Variants in RBBP8 observed in about 807,000 individuals in gnomAD.
RBBP8 encodes DNA endonuclease RBBP8.
A neutral mutation model predicts 108.3 loss-of-function variants in RBBP8; 88 were observed. That is an observed-to-expected ratio of 0.81 (90% CI 0.68 to 0.97). The LOEUF is 0.97. Among genes scored for constraint, RBBP8 ranks in the 50% least tolerant of loss-of-function variants. The pLI is 0.00. For missense variants in RBBP8, 1,023 were observed against 1,049.0 expected, an observed-to-expected ratio of 0.98 and a Z score of 0.34; for synonymous variants, 332 against 348.2, an observed-to-expected ratio of 0.95 and a Z score of 0.52.
chr18:22,997,554 AAAATT>A, intron 13 of RBBP8, 61 bp from the exon 14 acceptor site: 1 of 1,017,086 alleles, frequency 9.8e-7, no homozygotes. Flanking sequence ...ATGTTTTGTA[AAAATT>A]AAATATAAGA....
intron 3 of RBBP8, among the ~76,000 whole-genome samples, chr18:22,925,747 T>C (rs1262598132): frequency 6.6e-6 from 1 of 152,220 alleles, no homozygotes; most frequent in African/African-American, 2.4e-5. Flanking sequence ...GTTCCGACGG[T>C]TAGCCCTTCA....
At chr18:22,985,012 C>A (rs767492068) in intron 8 of RBBP8, 22 bp downstream of exon 8, 1 of 1,608,874 alleles carries the variant, frequency 6.2e-7, no homozygotes. Context: ...ACTGAGATTA[C>A]TTTACAAGTT....
At chr18:22,964,755 A>G (rs1913428157) in intron 4 of RBBP8, among the ~76,000 whole-genome samples, 2 of 152,000 alleles carry the variant, frequency 1.3e-5, no homozygotes, top group African/African-American at 2.4e-5. Flanking sequence ...TCAGCCCCCA[A>G]AAATGCTGGG....
intron 16 of RBBP8, among the ~76,000 whole-genome samples, chr18:23,016,003 G>T (rs1263840423): frequency 6.6e-6 from 1 of 151,976 alleles, no homozygotes; most frequent in African/African-American, 2.4e-5. Context: ...TTTGCCTCCC[G>T]GGTTCAAGCG....
chr18:22,974,905 T>C (rs1914389018), intron 5 of RBBP8, among the ~76,000 whole-genome samples: 1 of 152,170 alleles, frequency 6.6e-6, no homozygotes, highest in African/African-American at 2.4e-5. Context: ...GTACCCTCTT[T>C]TGCCTGCAAG....
chr18:22,937,622 G>A (rs1218421522), intron 2 of RBBP8, among the ~76,000 whole-genome samples: 2 of 150,184 alleles, frequency 1.3e-5, no homozygotes, highest in Admixed American at 6.7e-5. Context: ...GGGACCATAG[G>A]CACACGCTGC....
chr18:22,996,169 A>G (rs1224311212), intron 12 of RBBP8, among the ~76,000 whole-genome samples: 1 of 152,124 alleles, frequency 6.6e-6, no homozygotes, highest in African/African-American at 2.4e-5. Context: ...AGAACTGTCT[A>G]TTTAGATCCT....
intron 3 of RBBP8, among the ~76,000 whole-genome samples, chr18:22,925,194 G>T (rs1317075263): frequency 1.3e-5 from 2 of 151,940 alleles, no homozygotes; most frequent in Non-Finnish European, 2.9e-5. Flanking sequence ...TTCAATTTTA[G>T]TATCCTAAAT....
chr18:22,947,207 T>C (rs568111343), intron 3 of RBBP8, among the ~76,000 whole-genome samples: 1 of 152,044 alleles, frequency 6.6e-6, no homozygotes, highest in Non-Finnish European at 1.5e-5. Flanking sequence ...AATTAAGAAA[T>C]TTAAAGAATT....
In RBBP8 at chr18:22,938,138, C is replaced by A. The variant is rs1400867649; in HGVS notation, c.109+1178C>A. Reference sequence around the variant, plus strand: ...TGCTGTGCCCAGCTGATCTTTTTTTCTTTTTCTTTTTGAGACAGGGTCTTG... The same window carrying A: ...TGCTGTGCCCAGCTGATCTTTTTTTATTTTTCTTTTTGAGACAGGGTCTTG... On this transcript the variant is annotated intron_variant, in intron 2 of 18. Coordinates refer to ENST00000327155, the MANE Select transcript of RBBP8 (RefSeq NM_002894.3). Among the ~76,000 whole-genome samples the A allele has an allele frequency of 3.3e-5, 5 of 151,476 alleles. 1 individual carries two copies. The highest frequency in any genetic ancestry group is 2.9e-5 in the Non-Finnish European group (2 of 67,852).
At chr18:23,010,719 G>C (rs1248250642) in intron 16 of RBBP8, among the ~76,000 whole-genome samples, 1 of 152,138 alleles carries the variant, frequency 6.6e-6, no homozygotes, top group East Asian at 1.9e-4. Flanking sequence ...AACAAGAGGT[G>C]AATGGAAGTG....
intron 3 of RBBP8, among the ~76,000 whole-genome samples, chr18:22,918,500 C>T (rs372182408): frequency 1.3e-5 from 2 of 152,140 alleles, no homozygotes; most frequent in South Asian, 4.2e-4. Context: ...GAAAAGGTAC[C>T]GTAAAAATAT....
chr18:22,934,838 T>C (rs1227684144), intron 1 of RBBP8: 1 of 152,058 alleles, frequency 6.6e-6, no homozygotes, highest in African/African-American at 2.4e-5. Flanking sequence ...GTCCCAGCTG[T>C]GTGACCTTGG....
intron 12 of RBBP8, 85 bp downstream of exon 12, chr18:22,993,932 G>A: frequency 1.2e-5 from 16 of 1,308,706 alleles, no homozygotes; most frequent in Non-Finnish European, 1.7e-5. Context: ...AGATTGAATT[G>A]TTTTGGAAAA....
At chr18:23,000,695 C>T (rs762130231) in intron 14 of RBBP8, among the ~76,000 whole-genome samples, 2 of 150,672 alleles carry the variant, frequency 1.3e-5, no homozygotes, top group Non-Finnish European at 3.0e-5. Context: ...GAGCCAATAT[C>T]GCCTCACTGC....
At chr18:22,920,285 T>C (rs748841721) in intron 3 of RBBP8, among the ~76,000 whole-genome samples, 11 of 152,160 alleles carry the variant, frequency 7.2e-5, no homozygotes, top group Non-Finnish European at 1.3e-4. Flanking sequence ...CTGAGTGAAA[T>C]GCTGTCTCAA....
At chr18:22,953,714 T>C (rs1367939735) in intron 4 of RBBP8, among the ~76,000 whole-genome samples, 1 of 152,082 alleles carries the variant, frequency 6.6e-6, no homozygotes, top group Non-Finnish European at 1.5e-5. Flanking sequence ...TTAAATTACT[T>C]TCTTTTATGT....
chr18:22,925,006 C>G (rs998184), intron 3 of RBBP8, among the ~76,000 whole-genome samples: 27,089 of 151,896 alleles, frequency 0.18, 3,169 homozygotes, highest in East Asian at 0.44. Context: ...ATCTTAGCCT[C>G]CCAAGTAGCT....
In RBBP8 at chr18:23,026,173, C is replaced by G; in HGVS notation, c.2627C>G (p.Pro876Arg). 3 of 1,613,610 alleles carry G rather than the reference C, an allele frequency of 1.9e-6. No homozygotes were observed. The highest frequency in any genetic ancestry group is 2.5e-6 in the Non-Finnish European group (3 of 1,179,712). ...GYIKEDLDPC[P>R]RPKRRQPYNA... ...ATTAAGGAAGATCTTGATCCTTGTC[C>G]TCGTCCAAAAAGACGTCAGCCTTAC... The change falls in exon 19 of 19, where the codon CCT (proline) becomes CGT (arginine). Residue 876 changes from proline (P) to arginine (R), a missense_variant. Pro to Arg is a moderately radical substitution (Grantham distance 103). Coordinates refer to ENST00000327155, the MANE Select transcript of RBBP8 (RefSeq NM_002894.3).
Sources: gnomAD v4.1 joint callset for allele counts (sites outside exome capture counted in the v4.1 genomes callset) on GRCh38, gnomAD v4.1.1 for gene constraint, MANE v1.5 for transcripts, NCBI Gene and HGNC (gene_info 2026-07-23, HGNC 2026-07-21) for gene names.